The following HNRNPF variants were observed in gnomAD, a reference collection of about 807,000 sequenced individuals.
HNRNPF encodes the protein heterogeneous nuclear ribonucleoprotein F.
In HNRNPF, 2 loss-of-function variants were observed where a neutral mutation model predicts 26.0. That is an observed-to-expected ratio of 0.08 (90% confidence interval 0.03 to 0.24). The LOEUF (loss-of-function observed/expected upper bound fraction) is 0.24. Among genes scored for constraint, HNRNPF ranks in the 10% least tolerant of loss-of-function variants. The pLI is 1.00. For synonymous variants in HNRNPF, 234 were observed against 211.5 expected, an observed-to-expected ratio of 1.11 and a Z score of -0.92; for missense variants, 299 against 539.2, an observed-to-expected ratio of 0.55 and a Z score of 4.41.
chr10:43,393,153 G>A (rs1378256229), intron 3 of HNRNPF, among the ~76,000 whole-genome samples: 1 of 152,146 alleles, frequency 6.6e-6, no homozygotes, highest in Non-Finnish European at 1.5e-5. Flanking sequence ...CACGTTGAAT[G>A]GCAGCCTATG....
At position 43,387,651 on chromosome 10, in the gene HNRNPF, C is replaced by A; in HGVS notation, c.234G>T (p.Met78Ile). The change falls in exon 4 of 4, where the codon ATG (methionine) becomes ATT (isoleucine). Residue 78 changes from methionine to isoleucine, a missense_variant. Physicochemically the swap from Met to Ile is conservative, Grantham distance 10. This residue lies in a region of HNRNPF where 104 missense variants were observed against 239.0 expected (regional missense o/e 0.44). Transcript: ENST00000682386. The surrounding 1 kb of genome is among the most constrained non-coding windows in gnomAD (Gnocchi z 6.0). ...TGAACACCTCAATGTACCGGTGTCC[C>A]ATGCTTTCCCTGTCTTTTTTCAGGG... Reference protein sequence around the residue: ...KMALKKDRESMGHRYIEVFKS... With the variant: ...KMALKKDRESIGHRYIEVFKS... The A allele has an allele frequency of 6.2e-7, 1 of 1,614,172 alleles. No homozygotes were observed. The highest frequency in any genetic ancestry group is 8.5e-7 in the Non-Finnish European group (1 of 1,180,038).
chr10:43,394,298 A>G (rs957648660), intron 3 of HNRNPF, among the ~76,000 whole-genome samples: 11 of 152,258 alleles, frequency 7.2e-5, no homozygotes, highest in South Asian at 2.1e-4. Flanking sequence ...AATCTTTTAC[A>G]TGTCATAAGT....
intron 1 of HNRNPF, among the ~76,000 whole-genome samples, chr10:43,398,460 A>G (rs1249343534): frequency 6.8e-6 from 1 of 146,982 alleles, no homozygotes; most frequent in Non-Finnish European, 1.5e-5. Context: ...CCTGGCCTCA[A>G]CCTCCTGAGT....
chr10:43,392,258 T>G (rs1370410235), intron 3 of HNRNPF, among the ~76,000 whole-genome samples: 1 of 151,506 alleles, frequency 6.6e-6, no homozygotes, highest in Non-Finnish European at 1.5e-5. Flanking sequence ...ACAGAAAAAT[T>G]GGCCGGGCAC....
intron 1 of HNRNPF, among the ~76,000 whole-genome samples, chr10:43,399,281 T>C (rs1428564420): frequency 6.6e-6 from 1 of 151,898 alleles, no homozygotes. Context: ...AGAGGCAAGG[T>C]CTCTCTATGA....
intron 1 of HNRNPF, chr10:43,397,111 G>A (rs1425392982): frequency 1.3e-5 from 2 of 152,182 alleles, no homozygotes; most frequent in African/African-American, 4.8e-5. Context: ...GAGCGACCGG[G>A]GCGGCGGAAA....
intron 1 of HNRNPF, chr10:43,407,926 A>G (rs1306696938): frequency 1.3e-5 from 2 of 152,124 alleles, no homozygotes; most frequent in East Asian, 1.9e-4. Context: ...AGGTATTATT[A>G]CTATTATTAC....
chr10:43,398,344 G>GT (rs71533061), intron 1 of HNRNPF, among the ~76,000 whole-genome samples: 4,622 of 125,428 alleles, frequency 0.037, 125 homozygotes, highest in Non-Finnish European at 0.051. Context: ...TGTTGTTGTT[G>GT]TTTTTTTTTT....
In HNRNPF at chr10:43,387,459, T is replaced by C. The variant is rs140586845; in HGVS notation, c.426A>G (p.Thr142=). ...TCTTGCCTTCGGGGTCCACAGGCAATGTGATCCCGTTTGGCACAATTTCCA... is the reference window on the plus strand; with the variant it reads ...TCTTGCCTTCGGGGTCCACAGGCAACGTGATCCCGTTTGGCACAATTTCCA... ...SGLEIVPNGI[T]LPVDPEGKIT... Residue 142 remains threonine, a synonymous_variant, in exon 4 of 4, where the codon ACA becomes ACG. Transcript: ENST00000682386. This position sits in a 1 kb window ranked among gnomAD's most constrained non-coding sequence, Gnocchi z 6.0. 7 of 1,614,208 alleles carry C rather than the reference T, an allele frequency of 4.3e-6. No homozygotes were observed. Among genetic ancestry groups the C allele is most frequent in the African/African-American group, 4.0e-5 (3 of 75,070 alleles).
chr10:43,393,092 C>A (rs745334718), intron 3 of HNRNPF, among the ~76,000 whole-genome samples: 11 of 152,228 alleles, frequency 7.2e-5, no homozygotes, highest in Non-Finnish European at 1.3e-4. Flanking sequence ...CTATTCAACT[C>A]TTCCATTTCC....
intron 3 of HNRNPF, among the ~76,000 whole-genome samples, chr10:43,389,412 AAAGGT>A (rs1174249327): frequency 1.3e-5 from 2 of 152,248 alleles, no homozygotes; most frequent in African/African-American, 4.8e-5. Context: ...GACAAAAAGT[AAAGGT>A]AAGTGTAATT....
chr10:43,404,165 C>T (rs1342254492), intron 1 of HNRNPF, among the ~76,000 whole-genome samples: 3 of 151,338 alleles, frequency 2.0e-5, no homozygotes, highest in Non-Finnish European at 4.4e-5. Context: ...ATTAGATGGG[C>T]GTGGTGGTGC....
In HNRNPF at chr10:43,387,146, T is replaced by C. The variant is rs1395184675; in HGVS notation, c.739A>G (p.Ser247Gly). The C allele has an allele frequency of 1.2e-6, 2 of 1,614,148 alleles. No homozygotes were observed. The highest frequency in any genetic ancestry group is 1.7e-6 in the Non-Finnish European group (2 of 1,180,046). ...STGYGGYEEY[S>G]GLSDGYGFTT... ...AAGCCGTAGCCATCACTGAGGCCAC[T>C]GTACTCCTCGTAGCCCCCGTAGCCT... The change falls in exon 4 of 4, where the codon AGT becomes GGT. Residue 247 changes from serine (S) to glycine (G), a missense_variant. Physicochemically the swap from Ser to Gly is moderately conservative, Grantham distance 56 (BLOSUM62 0). Around this residue, in one of 6 missense-constraint regions of HNRNPF, gnomAD observed 74 missense variants for 77.7 expected, o/e 0.95. Transcript: ENST00000682386. The surrounding 1 kb of genome is among the most constrained non-coding windows in gnomAD (Gnocchi z 6.0).
chr10:43,398,353 T>C (rs1358240917), intron 1 of HNRNPF, among the ~76,000 whole-genome samples: 2 of 150,528 alleles, frequency 1.3e-5, no homozygotes, highest in East Asian at 3.9e-4. Context: ...TGTTTTTTTT[T>C]TTTTTTGAGA....
intron 1 of HNRNPF, among the ~76,000 whole-genome samples, chr10:43,403,610 T>A (rs1179826913): frequency 6.6e-6 from 1 of 152,226 alleles, no homozygotes; most frequent in Non-Finnish European, 1.5e-5. Flanking sequence ...TCAAACTCAA[T>A]CACTGCAATT....
At chr10:43,408,911 C>G (rs1839016528) in intron 1 of HNRNPF, 1 of 152,352 alleles carries the variant, frequency 6.6e-6, no homozygotes, top group African/African-American at 2.4e-5. Flanking sequence ...GGGGCGGGGT[C>G]AGGCGCGCTG....
chr10:43,402,093 A>T (rs537179115), intron 1 of HNRNPF, among the ~76,000 whole-genome samples: 2 of 152,286 alleles, frequency 1.3e-5, no homozygotes, highest in African/African-American at 4.8e-5. Flanking sequence ...GGAAAAAAAG[A>T]GCAACTTCAG....
intron 1 of HNRNPF, among the ~76,000 whole-genome samples, chr10:43,402,912 G>C (rs540655182): frequency 2.6e-5 from 4 of 151,658 alleles, no homozygotes; most frequent in African/African-American, 9.7e-5. Flanking sequence ...TTTTAAACGG[G>C]GTCTTGCTTT....
chr10:43,387,436 T>C lies in HNRNPF; in HGVS notation c.449A>G (p.Lys150Arg). Reference protein sequence around the residue: ...GITLPVDPEGKITGEAFVQFA... With the variant: ...GITLPVDPEGRITGEAFVQFA... The stretch of plus-strand genomic sequence containing the variant: ...CTGCACGAACGCTTCCCCTGTAATC[T>C]TGCCTTCGGGGTCCACAGGCAATGT... The change falls in exon 4 of 4, where the codon AAG becomes AGG. Residue 150 changes from lysine to arginine, a missense_variant. Around this residue, in one of 6 missense-constraint regions of HNRNPF, gnomAD observed 104 missense variants for 239.0 expected, o/e 0.44. Coordinates refer to ENST00000682386, the MANE Select transcript of HNRNPF (RefSeq NM_001098204.2). This position sits in a 1 kb window ranked among gnomAD's most constrained non-coding sequence, Gnocchi z 6.0. 1 of 1,614,198 alleles carries C rather than the reference T, an allele frequency of 6.2e-7. No individual in the cohort carries two copies. The highest frequency in any genetic ancestry group is 8.5e-7 in the Non-Finnish European group (1 of 1,180,042).
Sources: gnomAD v4.1 joint callset for allele counts (sites outside exome capture counted in the v4.1 genomes callset) on GRCh38, gnomAD v4.1.1 for gene constraint, gnomAD v4.1.1 regional missense constraint, Gnocchi (gnomAD v3.1) non-coding constraint, MANE v1.5 for transcripts, NCBI Gene and HGNC (gene_info 2026-07-23, HGNC 2026-07-21) for gene names.